Variants in PALLD observed in about 807,000 individuals in gnomAD.
PALLD encodes palladin.
A neutral mutation model predicts 123.5 loss-of-function variants in PALLD; 61 were observed. That is an observed-to-expected ratio of 0.49 (90% confidence interval 0.40 to 0.61). PALLD has a LOEUF of 0.61. PALLD is among the 20% of genes least tolerant of loss of function. The pLI is 0.00. For missense variants in PALLD, 1,273 were observed against 1,377.0 expected, an observed-to-expected ratio of 0.92 and a Z score of 1.20; for synonymous variants, 465 against 496.4, an observed-to-expected ratio of 0.94 and a Z score of 0.84.
intron 2 of PALLD, among the ~76,000 whole-genome samples, chr4:168,640,447 C>T (rs1776826920): frequency 6.6e-6 from 1 of 152,194 alleles, no homozygotes; most frequent in African/African-American, 2.4e-5. Flanking sequence ...CTCATGGCTC[C>T]AGGATTGGAT....
At chr4:168,518,535 C>T (rs1160007448) in intron 2 of PALLD, among the ~76,000 whole-genome samples, 1 of 152,198 alleles carries the variant, frequency 6.6e-6, no homozygotes, top group African/African-American at 2.4e-5. Flanking sequence ...CACCACCAGG[C>T]TTGTTCTTGT....
At chr4:168,530,963 A>G (rs1005357448) in intron 2 of PALLD, among the ~76,000 whole-genome samples, 4 of 152,228 alleles carry the variant, frequency 2.6e-5, no homozygotes, top group African/African-American at 9.6e-5. Flanking sequence ...TCTTGGCACC[A>G]TCTGATACCT....
At chr4:168,918,339 T>TATAC (rs754737860) in intron 17 of PALLD, among the ~76,000 whole-genome samples, 13 of 147,124 alleles carry the variant, frequency 8.8e-5, no homozygotes, top group African/African-American at 3.3e-4. Flanking sequence ...TATATATATA[T>TATAC]ACATACATAC....
At chr4:168,839,733 C>A (rs540276633) in intron 10 of PALLD, among the ~76,000 whole-genome samples, 12 of 152,216 alleles carry the variant, frequency 7.9e-5, no homozygotes, top group African/African-American at 2.6e-4. Context: ...GTCCAGGACA[C>A]AATTATATAC....
chr4:168,577,326 G>A (rs374587251), intron 2 of PALLD, among the ~76,000 whole-genome samples: 2 of 152,076 alleles, frequency 1.3e-5, no homozygotes, highest in African/African-American at 2.4e-5. Context: ...CTTTTCTACC[G>A]ACTAAGTTAG....
intron 8 of PALLD, among the ~76,000 whole-genome samples, chr4:168,706,245 A>G (rs1470876933): frequency 6.6e-6 from 1 of 152,114 alleles, no homozygotes; most frequent in Non-Finnish European, 1.5e-5. Context: ...CTTAAGTGGA[A>G]TTTTGCAGTA....
At chr4:168,896,083 G>A (rs137857123) in intron 12 of PALLD, among the ~76,000 whole-genome samples, 276 of 152,078 alleles carry the variant, frequency 1.8e-3, no homozygotes, top group African/African-American at 5.7e-3. Context: ...GGTGGCGTGC[G>A]CCTGTAGTCC....
intron 10 of PALLD, among the ~76,000 whole-genome samples, chr4:168,821,490 T>A (rs1035051932): frequency 5.3e-5 from 8 of 152,164 alleles, no homozygotes; most frequent in Admixed American, 2.6e-4. Flanking sequence ...TATATATGTA[T>A]GTACAAATAT....
chr4:168,568,174 T>C (rs568602495), intron 2 of PALLD, among the ~76,000 whole-genome samples: 23 of 149,994 alleles, frequency 1.5e-4, no homozygotes, highest in Admixed American at 4.6e-4. Flanking sequence ...AACCAATAAA[T>C]ATATAGCAAA....
In PALLD at chr4:168,512,044, A is replaced by G; in HGVS notation, c.540A>G (p.Thr180=). Reference sequence around the variant, plus strand: ...CAGCTAATTTAATTGAGGAGCTAACATCCATATTTAAAGCCGCAAAGCCAA... The same window carrying G: ...CAGCTAATTTAATTGAGGAGCTAACGTCCATATTTAAAGCCGCAAAGCCAA... The part of the protein sequence containing the change: ...DKAANLIEEL[T]SIFKAAKPRN... The change falls in exon 2 of 22, where the codon ACA becomes ACG. Residue 180 remains threonine (T), a synonymous_variant. Transcript: ENST00000505667. 1 of 1,614,202 alleles carries G rather than the reference A, an allele frequency of 6.2e-7. No individual in the cohort carries two copies. The highest frequency in any genetic ancestry group is 8.5e-7 in the Non-Finnish European group (1 of 1,180,032).
intron 10 of PALLD, among the ~76,000 whole-genome samples, chr4:168,821,874 TG>T (rs2150798178): frequency 7.1e-6 from 1 of 140,646 alleles, no homozygotes; most frequent in Non-Finnish European, 1.5e-5. Flanking sequence ...AGCAAAACGC[TG>T]TCTCAAAAAA....
chr4:168,902,460 T>G (rs994344545), intron 14 of PALLD, among the ~76,000 whole-genome samples: 4 of 152,190 alleles, frequency 2.6e-5, no homozygotes, highest in Non-Finnish European at 5.9e-5. Flanking sequence ...TCAACTGTGT[T>G]GTTCATAACT....
At chr4:168,699,539 A>C (rs1783477398) in intron 8 of PALLD, among the ~76,000 whole-genome samples, 1 of 152,096 alleles carries the variant, frequency 6.6e-6, no homozygotes, top group African/African-American at 2.4e-5. Context: ...CAAAAAAAAA[A>C]AAAACAGTTG....
intron 13 of PALLD, 71 bp from the exon 14 acceptor site, chr4:168,898,420 TGG>T: frequency 1.1e-6 from 1 of 931,498 alleles, no homozygotes; most frequent in Non-Finnish European, 1.8e-6. Context: ...AGGGCCTTAT[TGG>T]GGGGCAGGGA....
intron 2 of PALLD, among the ~76,000 whole-genome samples, chr4:168,652,321 A>G (rs1778134854): frequency 6.6e-6 from 1 of 152,222 alleles, no homozygotes; most frequent in Non-Finnish European, 1.5e-5. Context: ...AAATATGTAC[A>G]TGTGAAAATA....
chr4:168,828,377 C>T (rs1180130413), intron 10 of PALLD, among the ~76,000 whole-genome samples: 2 of 152,136 alleles, frequency 1.3e-5, no homozygotes, highest in African/African-American at 2.4e-5. Context: ...TTTGTGGTAG[C>T]AGTAAAAAGA....
chr4:168,925,957 G>A (rs1005082117), intron 21 of PALLD, among the ~76,000 whole-genome samples: 1 of 74,822 alleles, frequency 1.3e-5, no homozygotes, highest in African/African-American at 3.5e-5. Flanking sequence ...GTGCTGCAGT[G>A]TTTACTTAAA....
chr4:168,536,628 G>A (rs1329452472), intron 2 of PALLD: 1 of 152,156 alleles, frequency 6.6e-6, no homozygotes, highest in Non-Finnish European at 1.5e-5. Context: ...CAAGCAAAGC[G>A]AGGAAGAGCC....
At chr4:168,593,777 A>G (rs1410409555) in intron 2 of PALLD, among the ~76,000 whole-genome samples, 1 of 152,216 alleles carries the variant, frequency 6.6e-6, no homozygotes, top group Non-Finnish European at 1.5e-5. Context: ...CCCACCAAAA[A>G]TCCCATGTAA....
Sources: allele counts gnomAD v4.1 joint callset (sites outside exome capture counted in the v4.1 genomes callset), GRCh38; gene constraint gnomAD v4.1.1; transcripts MANE v1.5; gene names NCBI Gene and HGNC (gene_info 2026-07-23, HGNC 2026-07-21).